Variants in COBLL1 observed in about 807,000 individuals in gnomAD.
COBLL1 encodes the protein cordon-bleu WH2 repeat protein like 1.
Under a neutral mutation model 94.8 loss-of-function variants are expected in COBLL1, and 50 were observed. The ratio of observed to expected loss-of-function variants is 0.53; its 90% CI spans 0.42 to 0.67. The LOEUF is 0.67. COBLL1 is among the 30% of genes least tolerant of loss of function. The probability of loss-of-function intolerance (pLI) is 0.00; values close to 1 mark genes in which losing one functional copy is unlikely to be tolerated. For missense variants in COBLL1, 1,362 were observed against 1,348.7 expected, an observed-to-expected ratio of 1.01 and a Z score of -0.15; for synonymous variants, 448 against 473.8, an observed-to-expected ratio of 0.95 and a Z score of 0.71.
chr2:164,719,060 C>T (rs1685318628), intron 7 of COBLL1, among the ~76,000 whole-genome samples: 2 of 151,922 alleles, frequency 1.3e-5, no homozygotes, highest in Admixed American at 6.6e-5. Flanking sequence ...CAGCTTGCCA[C>T]GTTGAGAATT....
At chr2:164,785,986 A>G (rs1239107620) in intron 2 of COBLL1, among the ~76,000 whole-genome samples, 1 of 152,106 alleles carries the variant, frequency 6.6e-6, no homozygotes, top group Non-Finnish European at 1.5e-5. Flanking sequence ...AGGAATTGAA[A>G]TGAAGCAGTC....
downstream of COBLL1, among the ~76,000 whole-genome samples, chr2:164,676,740 C>T (rs1016793277): frequency 6.6e-6 from 1 of 151,690 alleles, no homozygotes; most frequent in Non-Finnish European, 1.5e-5. Context: ...CAAAATCAGA[C>T]TTGGATTTTG....
chr2:164,797,658 C>T (rs552173568), intron 2 of COBLL1, among the ~76,000 whole-genome samples: 50 of 152,208 alleles, frequency 3.3e-4, no homozygotes, highest in African/African-American at 1.1e-3. Flanking sequence ...ACTGAAATAC[C>T]ATCTTGTTTT....
At chr2:164,679,669 T>C (rs192289487), downstream of COBLL1, among the ~76,000 whole-genome samples, 112 of 151,818 alleles carry the variant, frequency 7.4e-4, no homozygotes, top group South Asian at 7.9e-3. Context: ...CTCGTCCCTC[T>C]TAAAAATAAT....
At chr2:164,712,977 G>T (rs1684978960) in intron 7 of COBLL1, among the ~76,000 whole-genome samples, 2 of 152,020 alleles carry the variant, frequency 1.3e-5, no homozygotes, top group African/African-American at 4.8e-5. Flanking sequence ...ATTTTGGCTT[G>T]TATTGTATGA....
chr2:164,823,309 AC>A (rs1333958647), intron 2 of COBLL1, among the ~76,000 whole-genome samples: 1 of 152,190 alleles, frequency 6.6e-6, no homozygotes, highest in Non-Finnish European at 1.5e-5. Context: ...ACAAATACTT[AC>A]TGAAAATCAA....
chr2:164,782,762 T>C (rs1334121301), intron 2 of COBLL1, among the ~76,000 whole-genome samples: 2 of 152,190 alleles, frequency 1.3e-5, no homozygotes, highest in African/African-American at 4.8e-5. Flanking sequence ...TGGTCAAAGA[T>C]TTATACTTCA....
chr2:164,830,447 T>G (rs1683025316), intron 2 of COBLL1, among the ~76,000 whole-genome samples: 2 of 152,262 alleles, frequency 1.3e-5, no homozygotes, highest in South Asian at 2.1e-4. Flanking sequence ...ATAACCTTAG[T>G]GTACTAAATG....
chr2:164,785,312 C>T (rs2105284424), intron 2 of COBLL1, among the ~76,000 whole-genome samples: 1 of 152,202 alleles, frequency 6.6e-6, no homozygotes, highest in Admixed American at 6.5e-5. Flanking sequence ...TCACTTGAAC[C>T]CAGGAGGTGG....
chr2:164,795,572 G>A (rs893598471), intron 2 of COBLL1, among the ~76,000 whole-genome samples: 2 of 151,980 alleles, frequency 1.3e-5, no homozygotes, highest in Non-Finnish European at 2.9e-5. Context: ...CGTAAGCTAT[G>A]TCTTCATCAC....
intron 2 of COBLL1, among the ~76,000 whole-genome samples, chr2:164,807,817 C>T (rs1257124003): frequency 6.7e-6 from 1 of 148,910 alleles, no homozygotes; most frequent in Non-Finnish European, 1.5e-5. Context: ...TTTATTTTAT[C>T]TTATTTTATT....
In COBLL1 at chr2:164,694,616, C is replaced by T; in HGVS notation, c.2776G>A (p.Val926Ile). The T allele has an allele frequency of 6.2e-7, 1 of 1,613,894 alleles. No homozygotes were observed. Among genetic ancestry groups the T allele is most frequent in the Non-Finnish European group, 8.5e-7 (1 of 1,179,944 alleles). ...GTTTTTTCAACAAGGGGTTGTGGAA[C>T]AGAGTGAGGCATTTTACTTAAGGGA... ...LSPLSKMPHS[V>I]PQPLVEKTDD... The change falls in exon 12 of 14, where the codon GTT (valine) becomes ATT (isoleucine). Residue 926 changes from valine (V) to isoleucine (I), a missense_variant. Val to Ile is a conservative substitution (Grantham distance 29, BLOSUM62 3). Coordinates refer to ENST00000652658, the MANE Select transcript of COBLL1 (RefSeq NM_001365672.2).
intron 2 of COBLL1, among the ~76,000 whole-genome samples, chr2:164,810,016 G>C: frequency 6.6e-6 from 1 of 151,516 alleles, no homozygotes; most frequent in East Asian, 1.9e-4. Flanking sequence ...TTTTACTTTA[G>C]AAAAAATAAA....
chr2:164,811,727 A>T (rs912060989), intron 2 of COBLL1, among the ~76,000 whole-genome samples: 4 of 152,008 alleles, frequency 2.6e-5, no homozygotes, highest in Non-Finnish European at 5.9e-5. Context: ...TGGAACAGCC[A>T]AAAAAGTATA....
chr2:164,687,299 C>T, intron 13 of COBLL1: 1 of 630,702 alleles, frequency 1.6e-6, no homozygotes, highest in Non-Finnish European at 2.9e-6. Flanking sequence ...AGTGCAGGGC[C>T]CGGCACTTGT....
chr2:164,673,200 GA>G (rs1194151301), intron 1 of COBLL1, among the ~76,000 whole-genome samples: 1 of 151,962 alleles, frequency 6.6e-6, no homozygotes, highest in Non-Finnish European at 1.5e-5. Context: ...TATTAAAATG[GA>G]AAAAAGTAAT....
intron 7 of COBLL1, among the ~76,000 whole-genome samples, chr2:164,715,101 A>C (rs938970209): frequency 3.0e-4 from 46 of 152,238 alleles, no homozygotes; most frequent in African/African-American, 1.1e-3. Context: ...AAACATTAGT[A>C]AGCATTATAT....
At chr2:164,801,668 C>T (rs1235055087) in intron 2 of COBLL1, among the ~76,000 whole-genome samples, 1 of 152,016 alleles carries the variant, frequency 6.6e-6, no homozygotes, top group African/African-American at 2.4e-5. Flanking sequence ...CAACAAAAGT[C>T]AATTTTACTG....
intron 5 of COBLL1, 63 bp downstream of exon 5, chr2:164,727,906 A>G: frequency 8.7e-7 from 1 of 1,143,692 alleles, no homozygotes. Context: ...ACACAAACAC[A>G]ATGCACAAAC....
Sources: gnomAD v4.1 joint callset for allele counts (sites outside exome capture counted in the v4.1 genomes callset) on GRCh38, gnomAD v4.1.1 for gene constraint, MANE v1.5 for transcripts, NCBI Gene and HGNC (gene_info 2026-07-23, HGNC 2026-07-21) for gene names.